Variants in PTCH2 observed in about 807,000 individuals in gnomAD.
PTCH2 encodes patched 2.
A neutral mutation model predicts 117.9 loss-of-function variants in PTCH2; 96 were observed. The ratio of observed to expected loss-of-function variants is 0.81; its 90% confidence interval spans 0.69 to 0.96. The LOEUF (loss-of-function observed/expected upper bound fraction) is 0.96. PTCH2 is among the 50% of genes least tolerant of loss of function. The pLI is 0.00. For synonymous variants in PTCH2, 615 were observed against 660.9 expected, an observed-to-expected ratio of 0.93 and a Z score of 1.06; for missense variants, 1,379 against 1,562.5, an observed-to-expected ratio of 0.88 and a Z score of 1.98.
intron 13 of PTCH2, 39 bp downstream of exon 13, chr1:44,828,257 G>T: frequency 1.2e-6 from 2 of 1,612,786 alleles, no homozygotes. Context: ...ACAGGCTGGC[G>T]TGGGTCACGG....
intron 1 of PTCH2, among the ~76,000 whole-genome samples, chr1:44,842,450 T>C (rs539341214): frequency 6.7e-4 from 102 of 152,100 alleles, no homozygotes; most frequent in African/African-American, 2.4e-3. Context: ...CTGCTAATTT[T>C]TTATTTTTAG....
intron 1 of PTCH2, 148 bp downstream of exon 1, chr1:44,842,713 C>T (rs910217393): frequency 1.1e-4 from 84 of 772,556 alleles, no homozygotes; most frequent in Non-Finnish European, 1.7e-4. Flanking sequence ...CACCGACACA[C>T]ACGCACAACT....
rs2148873654 is a variant in PTCH2, at chr1:44,826,230, C to T, written c.3114+20G>A. The stretch of plus-strand genomic sequence containing the variant: ...TACTGAATCAGCTGATTGGTCCCTC[C>T]CCGGGGTGCCCGTGCTCACCAGAGC... On this transcript the variant is annotated intron_variant, in intron 19 of 21. Transcript: ENST00000372192. The surrounding 1 kb of genome is among the most constrained non-coding windows in gnomAD (Gnocchi z 5.1). The T allele has an allele frequency of 2.5e-6, 4 of 1,613,050 alleles. No homozygotes were observed. The highest frequency in any genetic ancestry group is 1.6e-4 in the Middle Eastern group (1 of 6,062).
chr1:44,824,864 G>A (rs1487726613), intron 19 of PTCH2, among the ~76,000 whole-genome samples: 1 of 152,002 alleles, frequency 6.6e-6, no homozygotes, highest in South Asian at 2.1e-4. Flanking sequence ...TTAGAGACGG[G>A]GTTTCACCAT....
In PTCH2 at chr1:44,831,071, G is replaced by T. The variant is rs768076563; in HGVS notation, c.618-28C>A. The T allele has an allele frequency of 3.7e-6, 6 of 1,600,974 alleles. No homozygotes were observed. The East Asian group carries it at 9.0e-5, about 24-fold the overall frequency. ...GAGGGAAAAGCCTATAGTTGGTGAG[G>T]GTCAGGGACGAAAACCCAGGCTCCA... On this transcript the variant is annotated intron_variant, in intron 5 of 21. Coordinates refer to ENST00000372192, the MANE Select transcript of PTCH2 (RefSeq NM_003738.5). The surrounding 1 kb of genome is among the most constrained non-coding windows in gnomAD (Gnocchi z 4.3).
At chr1:44,820,760 C>G, downstream of PTCH2, 2 of 717,264 alleles carry the variant, frequency 2.8e-6, no homozygotes, top group South Asian at 3.0e-5. Flanking sequence ...CCCAGGGTTA[C>G]TCCGCTGGTA....
At chr1:44,837,181 TCCTTCTTC>T (rs1653725262) in intron 2 of PTCH2, among the ~76,000 whole-genome samples, 1 of 152,178 alleles carries the variant, frequency 6.6e-6, no homozygotes, top group African/African-American at 2.4e-5. Context: ...TCTTCTTTCT[TCCTTCTTC>T]CCTTCTTCCT....
Position 44,827,194 on chromosome 1 carries a change from G to C in PTCH2, c.2487C>G (p.Asp829Glu), listed in dbSNP as rs2295996. The C allele has an allele frequency of 2.5e-6, 4 of 1,613,980 alleles. No homozygotes were observed. Among genetic ancestry groups the C allele is most frequent in the Middle Eastern group, 1.6e-4 (1 of 6,062 alleles). ...LAYKLLIQTGDAQEPLDFSQL... is the reference protein window; with the variant it reads ...LAYKLLIQTGEAQEPLDFSQL... Reference sequence around the variant, plus strand: ...GGCTGAAATCCAGAGGCTCCTGGGCGTCTCCAGTCTGGATGAGCAGCTTGT... The same window carrying C: ...GGCTGAAATCCAGAGGCTCCTGGGCCTCTCCAGTCTGGATGAGCAGCTTGT... The change falls in exon 16 of 22, where the codon GAC becomes GAG. Residue 829 changes from aspartate to glutamate, a missense_variant. Transcript: ENST00000372192.
At position 44,830,868 on chromosome 1, in the gene PTCH2, G is replaced by T. The variant is rs1194461610; in HGVS notation, c.793C>A (p.Pro265Thr). ...CCCACCTGCCTGCTGTGATGGTTGG[G>T]GGCACTAGGTGGGCAGTGGAGGTCA... ...PDDLHCPPSA[P>T]NHHSRQAPNV... is the part of the protein sequence containing the mutation. Residue 265 changes from proline to threonine, a missense_variant, in exon 6 of 22, where the codon CCC (proline) becomes ACC (threonine). By Grantham distance (38) the Pro-to-Thr change is conservative. Transcript: ENST00000372192. 1.3e-6 allele frequency: 2 copies of T among 1,562,254 alleles called. No homozygotes were observed. The highest frequency in any genetic ancestry group is 1.4e-5 in the African/African-American group (1 of 73,804).
chr1:44,836,116 C>T (rs757214527), intron 2 of PTCH2, among the ~76,000 whole-genome samples: 2 of 152,238 alleles, frequency 1.3e-5, no homozygotes, highest in East Asian at 3.9e-4. Context: ...TGGCCGTCAT[C>T]GGAAAGGCCC....
chr1:44,824,725 T>C (rs1372312251), intron 19 of PTCH2, among the ~76,000 whole-genome samples: 2 of 152,190 alleles, frequency 1.3e-5, no homozygotes, highest in African/African-American at 4.8e-5. Flanking sequence ...CAGGTTGGAG[T>C]GCAGTGGCGC....
At chr1:44,825,881 C>G (rs1653122450) in intron 19 of PTCH2, among the ~76,000 whole-genome samples, 1 of 134,878 alleles carries the variant, frequency 7.4e-6, no homozygotes. Context: ...GAGTTTCACT[C>G]TTGTTGCCCA....
Position 44,826,256 on chromosome 1 carries a change from C to T in PTCH2, c.3108G>A (p.Val1036=), listed in dbSNP as rs766326477. The change falls in exon 19 of 22, where the codon GTG becomes GTA. Residue 1036 remains valine, a synonymous_variant. Coordinates refer to ENST00000372192, the MANE Select transcript of PTCH2 (RefSeq NM_003738.5). This position sits in a 1 kb window ranked among gnomAD's most constrained non-coding sequence, Gnocchi z 5.1. Reference sequence around the variant, plus strand: ...CCGGGGTGCCCGTGCTCACCAGAGCCACGTGGACTGTGAACTCAACGCCAA... The same window carrying T: ...CCGGGGTGCCCGTGCTCACCAGAGCTACGTGGACTGTGAACTCAACGCCAA... ...VGIGVEFTVH[V]ALGFLTTQGS... 12 of 1,613,908 alleles carry T rather than the reference C, an allele frequency of 7.4e-6. No individual in the cohort carries two copies. The highest frequency in any genetic ancestry group is 8.5e-6 in the Non-Finnish European group (10 of 1,180,036).
rs762089344 is a variant in PTCH2, at chr1:44,827,579, T to C, written c.2194A>G (p.Arg732Gly). ...KEHAFLSAQL[R>G]YFSLYEVALV... The stretch of plus-strand genomic sequence containing the variant: ...GCCACCTCGTACAGGGAGAAGTACC[T>C]GAGCTGGGCGCTCAGGAAGGCATGC... The change falls in exon 15 of 22, where the codon AGG becomes GGG. Residue 732 changes from arginine to glycine, a missense_variant. Arg to Gly is a moderately radical substitution (Grantham distance 125, BLOSUM62 -2). Coordinates refer to ENST00000372192, the MANE Select transcript of PTCH2 (RefSeq NM_003738.5). The C allele has an allele frequency of 1.2e-6, 2 of 1,614,112 alleles. No individual in the cohort carries two copies. The highest frequency in any genetic ancestry group is 1.7e-6 in the Non-Finnish European group (2 of 1,180,016).
At position 44,828,322 on chromosome 1, in the gene PTCH2, G is replaced by A; in HGVS notation, c.1683C>T (p.Arg561=). ...TGGAGAAGCAGCAGAGCACATCAAGGCGCTGGCAGTGGCGCCGCCGTAGGT... is the reference window on the plus strand; with the variant it reads ...TGGAGAAGCAGCAGAGCACATCAAGACGCTGGCAGTGGCGCCGCCGTAGGT... ...SLDLRRRHCQ[R]LDVLCCFSSP... Residue 561 remains arginine, a synonymous_variant, in exon 13 of 22, where the codon CGC becomes CGT. Coordinates refer to ENST00000372192, the MANE Select transcript of PTCH2 (RefSeq NM_003738.5). The A allele has an allele frequency of 1.2e-6, 2 of 1,614,024 alleles. No individual in the cohort carries two copies. Among genetic ancestry groups the A allele is most frequent in the Non-Finnish European group, 1.7e-6 (2 of 1,179,914 alleles).
Position 44,828,443 on chromosome 1 carries a change from G to C in PTCH2, c.1591-29C>G, listed in dbSNP as rs1464643995. ...GGGGACGGACAGGAGGGGAATGAAGGCTGGATGAAGCTTGGCCTCAGCCCC... is the reference window on the plus strand; with the variant it reads ...GGGGACGGACAGGAGGGGAATGAAGCCTGGATGAAGCTTGGCCTCAGCCCC... On this transcript the variant is annotated intron_variant, in intron 12 of 21. Coordinates refer to ENST00000372192, the MANE Select transcript of PTCH2 (RefSeq NM_003738.5). 6 of 1,614,018 alleles carry C rather than the reference G, an allele frequency of 3.7e-6. No individual in the cohort carries two copies. The Admixed American group carries it at 8.3e-5, about 22-fold the overall frequency.
chr1:44,841,191 A>C (rs897647207), intron 2 of PTCH2, among the ~76,000 whole-genome samples: 10 of 130,338 alleles, frequency 7.7e-5, no homozygotes, highest in Admixed American at 5.2e-4. Flanking sequence ...AAACAAAAAA[A>C]CAACCCCCCC....
chr1:44,822,500 G>A lies in PTCH2; in HGVS notation c.3527C>T (p.Pro1176Leu). 1 of 1,613,992 alleles carries A rather than the reference G, an allele frequency of 6.2e-7. No individual in the cohort carries two copies. The highest frequency in any genetic ancestry group is 8.5e-7 in the Non-Finnish European group (1 of 1,179,938). ...GGACCAAGGGGGCTCATCAGGGGCTGGATGGATGTAGGCACCAGGCAGGGG... is the reference window on the plus strand; with the variant it reads ...GGACCAAGGGGGCTCATCAGGGGCTAGATGGATGTAGGCACCAGGCAGGGG... ...PPPLPGAYIH[P>L]APDEPPWSPA... The change falls in exon 22 of 22, where the codon CCA becomes CTA. Residue 1176 changes from proline (P) to leucine (L), a missense_variant. Physicochemically the swap from Pro to Leu is moderately conservative, Grantham distance 98. Transcript: ENST00000372192.
intron 2 of PTCH2, among the ~76,000 whole-genome samples, chr1:44,837,407 T>G (rs1430751080): frequency 6.6e-6 from 1 of 152,078 alleles, no homozygotes; most frequent in Admixed American, 6.6e-5. Context: ...GTACATGCCA[T>G]CATGTGTGGC....
Sources: gnomAD v4.1 joint callset for allele counts (sites outside exome capture counted in the v4.1 genomes callset) on GRCh38, gnomAD v4.1.1 for gene constraint, Gnocchi (gnomAD v3.1) non-coding constraint, MANE v1.5 for transcripts, NCBI Gene and HGNC (gene_info 2026-07-23, HGNC 2026-07-21) for gene names.